MACROD2: variants seen among roughly 807,000 people sequenced by gnomAD.
MACROD2 encodes the protein mono-ADP ribosylhydrolase 2, also known as ADP-ribose glycohydrolase MACROD2.
MACROD2 carries 36 observed loss-of-function variants against 70.4 expected under a neutral mutation model. The observed-to-expected ratio is 0.51, with a 90% CI of 0.39 to 0.68. The LOEUF (loss-of-function observed/expected upper bound fraction) is 0.68, where lower values mean the gene tolerates loss of function less well. MACROD2 is among the 30% of genes least tolerant of loss of function. MACROD2 has a pLI of 0.00. For missense variants in MACROD2, 496 were observed against 538.4 expected (o/e 0.92, Z 0.78); for synonymous variants, 172 against 178.8 (o/e 0.96, Z 0.30).
At chr20:14,455,064 G>A (rs2084286623) in intron 3 of MACROD2, among the ~76,000 whole-genome samples, 1 of 151,740 alleles carries the variant, frequency 6.6e-6, no homozygotes, top group African/African-American at 2.4e-5. Flanking sequence ...ATCTTGCTGT[G>A]CATTTCACAT....
chr20:14,350,057 C>A lies in MACROD2; in HGVS notation c.272-143422C>A, dbSNP rs566690466. ...AGCCACTGTGCCTGGCCATCTTATT[C>A]TTTTTTATTTTGTTTGGCTGCATAG... On this transcript the variant is annotated intron_variant, in intron 3 of 17. Coordinates refer to ENST00000684519, the MANE Select transcript of MACROD2 (RefSeq NM_001351661.2). 4.6e-5 allele frequency among the ~76,000 whole-genome samples: 7 copies of A among 151,930 alleles called. No homozygotes were observed. In the South Asian group the frequency reaches 1.5e-3, roughly 32 times the overall value.
chr20:14,139,922 A>C (rs1278723488), intron 3 of MACROD2, among the ~76,000 whole-genome samples: 3 of 152,228 alleles, frequency 2.0e-5, no homozygotes, highest in Non-Finnish European at 4.4e-5. Context: ...CAAAGGAAAA[A>C]TAAAATTGTC....
At chr20:15,927,294 A>T (rs2065505332) in intron 10 of MACROD2, among the ~76,000 whole-genome samples, 1 of 152,168 alleles carries the variant, frequency 6.6e-6, no homozygotes, top group Non-Finnish European at 1.5e-5. Flanking sequence ...CAGATAAGGC[A>T]CTGTGCTGGG....
At chr20:15,230,812 C>T in intron 6 of MACROD2, among the ~76,000 whole-genome samples, 1 of 151,914 alleles carries the variant, frequency 6.6e-6, no homozygotes, top group East Asian at 1.9e-4. Flanking sequence ...CTCAATTACA[C>T]CAAGAAAATC....
At chr20:14,308,313 T>C (rs1451845013) in intron 3 of MACROD2, among the ~76,000 whole-genome samples, 1 of 152,150 alleles carries the variant, frequency 6.6e-6, no homozygotes, top group Non-Finnish European at 1.5e-5. Context: ...CTTTGAAGAA[T>C]ATGTCAGCTG....
chr20:15,994,229 A>C (rs1042763270), intron 15 of MACROD2, among the ~76,000 whole-genome samples: 1 of 152,268 alleles, frequency 6.6e-6, no homozygotes, highest in South Asian at 2.1e-4. Flanking sequence ...AAGTACTGCT[A>C]TTCTACATTT....
At chr20:15,480,620 G>A (rs1233603844) in intron 7 of MACROD2, among the ~76,000 whole-genome samples, 1 of 152,100 alleles carries the variant, frequency 6.6e-6, no homozygotes, top group African/African-American at 2.4e-5. Flanking sequence ...CTCTGGTTGG[G>A]TTTGTGTCAT....
At chr20:15,922,773 C>A (rs1200405280) in intron 10 of MACROD2, among the ~76,000 whole-genome samples, 2 of 152,210 alleles carry the variant, frequency 1.3e-5, no homozygotes, top group African/African-American at 4.8e-5. Context: ...GTCTCCCCAG[C>A]ATGCTTCTGG....
intron 4 of MACROD2, among the ~76,000 whole-genome samples, chr20:14,676,780 T>A (rs1385788861): frequency 6.6e-6 from 1 of 152,116 alleles, no homozygotes; most frequent in Non-Finnish European, 1.5e-5. Flanking sequence ...ATTCAGGAGC[T>A]GGATTTTTGA....
At chr20:15,753,384 T>C (rs1483188694) in intron 8 of MACROD2, among the ~76,000 whole-genome samples, 3 of 152,234 alleles carry the variant, frequency 2.0e-5, no homozygotes, top group Non-Finnish European at 4.4e-5. Flanking sequence ...TTTCTATTCC[T>C]GTGTTAATTC....
intron 2 of MACROD2, among the ~76,000 whole-genome samples, chr20:14,066,352 G>A (rs1373385319): frequency 6.6e-6 from 1 of 152,082 alleles, no homozygotes. Flanking sequence ...TAAAATCTTG[G>A]TATGTTAGTC....
intron 3 of MACROD2, among the ~76,000 whole-genome samples, chr20:14,396,925 A>AG (rs2083586737): frequency 4.6e-5 from 1 of 21,880 alleles, no homozygotes; most frequent in Non-Finnish European, 1.3e-4. Flanking sequence ...ACTCCATCTC[A>AG]AAAAAAAAAA....
intron 8 of MACROD2, among the ~76,000 whole-genome samples, chr20:15,553,953 GA>G (rs903905523): frequency 2.0e-5 from 3 of 152,302 alleles, no homozygotes; most frequent in Middle Eastern, 3.4e-3. Context: ...CATTAGGACA[GA>G]TTCAGTTTAG....
At chr20:14,061,829 T>A (rs545179899) in intron 2 of MACROD2, among the ~76,000 whole-genome samples, 5 of 152,148 alleles carry the variant, frequency 3.3e-5, no homozygotes, top group Non-Finnish European at 7.4e-5. Context: ...TGTGCATAGT[T>A]TACAAAAGTC....
chr20:15,685,383 G>T (rs1256560315), intron 8 of MACROD2, among the ~76,000 whole-genome samples: 2 of 152,192 alleles, frequency 1.3e-5, no homozygotes, highest in African/African-American at 4.8e-5. Flanking sequence ...AAGAACATAA[G>T]ATAGCTGTAA....
At chr20:14,805,021 A>G (rs1411248024) in intron 5 of MACROD2, among the ~76,000 whole-genome samples, 3 of 152,008 alleles carry the variant, frequency 2.0e-5, no homozygotes, top group Non-Finnish European at 2.9e-5. Context: ...GTGGAGCTCT[A>G]TGAAGTCTTT....
At chr20:14,097,830 T>C (rs1291526726) in intron 3 of MACROD2, among the ~76,000 whole-genome samples, 1 of 152,214 alleles carries the variant, frequency 6.6e-6, no homozygotes, top group Non-Finnish European at 1.5e-5. Flanking sequence ...ACACATAGCC[T>C]GAAGGTATTT....
intron 15 of MACROD2, among the ~76,000 whole-genome samples, chr20:16,025,485 C>G (rs1381213243): frequency 6.6e-6 from 1 of 152,180 alleles, no homozygotes; most frequent in Non-Finnish European, 1.5e-5. Context: ...AGAAGTCAAT[C>G]AAGCTTGAAG....
intron 8 of MACROD2, chr20:15,619,679 TA>T: frequency 3.6e-6 from 1 of 276,110 alleles, no homozygotes. Flanking sequence ...AGTCCCTTCA[TA>T]AGGAAGCTGG....
Sources: allele counts gnomAD v4.1 joint callset (sites outside exome capture counted in the v4.1 genomes callset), GRCh38; gene constraint gnomAD v4.1.1; transcripts MANE v1.5; gene names NCBI Gene and HGNC (gene_info 2026-07-23, HGNC 2026-07-21).